BRD10: variants seen among roughly 807,000 people sequenced by gnomAD.
BRD10 encodes bromodomain containing 10, also known as uncharacterized bromodomain-containing protein 10.
At chr9:5,923,195 G>C in the BRD10 span, 117 of 1,613,974 alleles carry the variant, frequency 7.2e-5, no homozygotes, top group South Asian at 7.5e-4. Flanking sequence ...AGTTTGTTTG[G>C]ACTGTCGTTT....
chr9:5,983,393 A>G, the BRD10 span, among the ~76,000 whole-genome samples: 1 of 152,206 alleles, frequency 6.6e-6, no homozygotes. Flanking sequence ...TCCAGACTCA[A>G]CAAAGCAATG....
the BRD10 span, among the ~76,000 whole-genome samples, chr9:5,942,447 C>T: frequency 6.6e-6 from 1 of 152,120 alleles, no homozygotes; most frequent in Admixed American, 6.5e-5. Context: ...ACGTAACATA[C>T]ATTTCATAAC....
chr9:5,985,097 C>T, the BRD10 span, among the ~76,000 whole-genome samples: 1 of 152,122 alleles, frequency 6.6e-6, no homozygotes, highest in East Asian at 1.9e-4. Context: ...TTCAGAAAGA[C>T]TCACAAATAA....
chr9:5,929,957 A>G, the BRD10 span, among the ~76,000 whole-genome samples: 3 of 152,144 alleles, frequency 2.0e-5, no homozygotes, highest in Non-Finnish European at 4.4e-5. Context: ...TAAAAAGTAC[A>G]TCACATGAAT....
chr9:5,879,767 T>C, the BRD10 span, among the ~76,000 whole-genome samples: 1 of 152,118 alleles, frequency 6.6e-6, no homozygotes, highest in African/African-American at 2.4e-5. Context: ...CCTCTCTAGG[T>C]TCTAGCTTAT....
At chr9:5,953,886 T>A in the BRD10 span, 368 of 641,632 alleles carry the variant, frequency 5.7e-4, 1 homozygote, top group African/African-American at 6.5e-3. Flanking sequence ...GGGAGAAAAG[T>A]CACTGTCAGA....
the BRD10 span, among the ~76,000 whole-genome samples, chr9:5,932,065 T>C: frequency 2.6e-5 from 4 of 152,278 alleles, no homozygotes; most frequent in Non-Finnish European, 5.9e-5. Flanking sequence ...AGTTGCATGG[T>C]ATACAATGAA....
the BRD10 span, chr9:5,921,735 A>G: frequency 6.2e-7 from 1 of 1,613,980 alleles, no homozygotes; most frequent in Non-Finnish European, 8.5e-7. Flanking sequence ...TTTGCTGCTG[A>G]TATGCTAATT....
chr9:5,913,852 T>C, the BRD10 span: 1 of 274,690 alleles, frequency 3.6e-6, no homozygotes, highest in South Asian at 3.4e-5. Context: ...AGAAATGGTC[T>C]CCCACCTGAG....
the BRD10 span, chr9:5,897,437 A>G: frequency 2.3e-6 from 2 of 873,486 alleles, no homozygotes; most frequent in Non-Finnish European, 3.7e-6. Context: ...CTACTTGGAC[A>G]CTGGGAGATG....
At chr9:5,988,929 A>G in the BRD10 span, among the ~76,000 whole-genome samples, 1 of 152,178 alleles carries the variant, frequency 6.6e-6, no homozygotes, top group East Asian at 1.9e-4. Flanking sequence ...ATACATAAAC[A>G]CTTTGAAAAA....
At chr9:5,957,044 G>C in the BRD10 span, among the ~76,000 whole-genome samples, 4 of 152,054 alleles carry the variant, frequency 2.6e-5, no homozygotes, top group East Asian at 5.8e-4. Flanking sequence ...AGAAAACACT[G>C]ACAACGATTT....
the BRD10 span, among the ~76,000 whole-genome samples, chr9:5,941,735 G>C: frequency 6.6e-6 from 1 of 152,042 alleles, no homozygotes; most frequent in South Asian, 2.1e-4. Context: ...AGGTTAAAAA[G>C]ACTTTGTTAT....
the BRD10 span, among the ~76,000 whole-genome samples, chr9:5,943,006 A>C: frequency 6.6e-6 from 1 of 151,848 alleles, no homozygotes; most frequent in Non-Finnish European, 1.5e-5. Flanking sequence ...GCCTCCTTAG[A>C]AGCTGGGACT....
At chr9:5,939,786 T>A in the BRD10 span, among the ~76,000 whole-genome samples, 1 of 152,212 alleles carries the variant, frequency 6.6e-6, no homozygotes, top group Non-Finnish European at 1.5e-5. Flanking sequence ...GAGAAATGTC[T>A]GTGCACTGTA....
the BRD10 span, among the ~76,000 whole-genome samples, chr9:5,903,330 T>C: frequency 1.5e-4 from 23 of 152,368 alleles, no homozygotes; most frequent in African/African-American, 5.3e-4. Context: ...ATGTCTATTA[T>C]ATCTAGTTAA....
At chr9:5,896,700 C>T in the BRD10 span, among the ~76,000 whole-genome samples, 4 of 152,262 alleles carry the variant, frequency 2.6e-5, no homozygotes, top group Non-Finnish European at 5.9e-5. Flanking sequence ...ATGATGCTTG[C>T]CCGGAGTGAA....
At chr9:5,935,548 A>G in the BRD10 span, among the ~76,000 whole-genome samples, 1 of 152,232 alleles carries the variant, frequency 6.6e-6, no homozygotes. Context: ...TGAGTATCTG[A>G]ATTTGACTGT....
chr9:5,987,985 T>TG, the BRD10 span, among the ~76,000 whole-genome samples: 1 of 152,182 alleles, frequency 6.6e-6, no homozygotes, highest in African/African-American at 2.4e-5. Flanking sequence ...ATGTCATGCT[T>TG]GAACTACATA....
Sources: allele counts gnomAD v4.1 joint callset (sites outside exome capture counted in the v4.1 genomes callset), GRCh38; gene constraint gnomAD v4.1.1; transcripts MANE v1.5; gene names NCBI Gene and HGNC (gene_info 2026-07-23, HGNC 2026-07-21).